Variants in ARHGAP28 observed in about 807,000 individuals in gnomAD.
ARHGAP28 encodes the protein Rho GTPase activating protein 28.
Under a neutral mutation model 90.7 loss-of-function variants are expected in ARHGAP28, and 56 were observed. The ratio of observed to expected loss-of-function variants is 0.62; its 90% CI spans 0.50 to 0.77. The LOEUF (loss-of-function observed/expected upper bound fraction) is 0.77, where lower values mean the gene tolerates loss of function less well. ARHGAP28 is among the 30% of genes least tolerant of loss of function. The probability of loss-of-function intolerance (pLI) is 0.00; values close to 1 mark genes in which losing one functional copy is unlikely to be tolerated. For synonymous variants in ARHGAP28, 308 were observed against 323.3 expected (o/e 0.95, Z 0.51); for missense variants, 869 against 900.9 (o/e 0.96, Z 0.45).
intron 2 of ARHGAP28, among the ~76,000 whole-genome samples, chr18:6,828,975 C>T (rs1439786781): frequency 6.6e-6 from 1 of 152,192 alleles, no homozygotes; most frequent in African/African-American, 2.4e-5. Context: ...TATTTTCATT[C>T]TTCATTCCCA....
intron 1 of ARHGAP28, among the ~76,000 whole-genome samples, chr18:6,743,712 A>C (rs894404391): frequency 2.6e-5 from 4 of 152,242 alleles, no homozygotes; most frequent in African/African-American, 9.6e-5. Flanking sequence ...TATATCCCCC[A>C]GTGTTTTAAA....
At position 6,851,079 on chromosome 18, in the gene ARHGAP28, A is replaced by G. The variant is rs1449234610; in HGVS notation, c.589A>G (p.Lys197Glu). The G allele has an allele frequency of 6.2e-7, 1 of 1,614,146 alleles. No individual in the cohort carries two copies. The highest frequency in any genetic ancestry group is 8.5e-7 in the Non-Finnish European group (1 of 1,180,002). Residue 197 changes from lysine to glutamate, a missense_variant, in exon 4 of 18, where the codon AAG (lysine) becomes GAG (glutamate). Coordinates refer to ENST00000383472, the MANE Select transcript of ARHGAP28 (RefSeq NM_001366230.1). ...CCACACTAATCAGCTGGATGGCACC[A>G]AGGAAGAAAGAGAGCTTCCAAGAGT... The part of the protein sequence containing the change: ...GNHTNQLDGT[K>E]EERELPRVIK...
chr18:6,876,015 C>A, intron 9 of ARHGAP28, 116 bp from the exon 10 acceptor site: 2 of 817,264 alleles, frequency 2.4e-6, no homozygotes, highest in Non-Finnish European at 4.0e-6. Flanking sequence ...CATTCAAGTG[C>A]CAGGCAAATA....
At chr18:6,785,718 G>A (rs1005277344) in intron 1 of ARHGAP28, among the ~76,000 whole-genome samples, 6 of 152,158 alleles carry the variant, frequency 3.9e-5, no homozygotes, top group African/African-American at 7.2e-5. Context: ...AGGGATTACC[G>A]TGCCTGTGAT....
chr18:6,858,728 C>T (rs989855603), intron 4 of ARHGAP28, among the ~76,000 whole-genome samples: 1 of 151,794 alleles, frequency 6.6e-6, no homozygotes, highest in Non-Finnish European at 1.5e-5. Flanking sequence ...ATGGGGTTTC[C>T]CTATGTTGGC....
intron 12 of ARHGAP28, among the ~76,000 whole-genome samples, chr18:6,888,574 C>G (rs1053365366): frequency 6.6e-6 from 1 of 152,052 alleles, no homozygotes; most frequent in African/African-American, 2.4e-5. Flanking sequence ...TAATATAATT[C>G]AATAATTTTT....
intron 16 of ARHGAP28, among the ~76,000 whole-genome samples, chr18:6,904,481 A>T (rs2057354626): frequency 6.6e-6 from 1 of 152,224 alleles, no homozygotes; most frequent in Admixed American, 6.5e-5. Flanking sequence ...ATAGCAGTAA[A>T]TGCTTATGAT....
intron 1 of ARHGAP28, among the ~76,000 whole-genome samples, chr18:6,759,957 G>A (rs2056145076): frequency 6.6e-6 from 1 of 152,072 alleles, no homozygotes; most frequent in African/African-American, 2.4e-5. Context: ...TCTTGGAGAG[G>A]GACATCAAAT....
chr18:6,896,565 A>C lies in ARHGAP28; in HGVS notation c.1969A>C (p.Ile657Leu). The C allele has an allele frequency of 6.2e-7, 1 of 1,614,192 alleles. No homozygotes were observed. Among genetic ancestry groups the C allele is most frequent in the Non-Finnish European group, 8.5e-7 (1 of 1,180,022 alleles). Reference protein sequence around the residue: ...APLLSKVSMAIQLNNQTKAKD... With the variant: ...APLLSKVSMALQLNNQTKAKD... ...ACTTCTCTCCAAGGTGTCCATGGCCATTCAACTCAACAATCAAACCAAAGC... is the reference window on the plus strand; with the variant it reads ...ACTTCTCTCCAAGGTGTCCATGGCCCTTCAACTCAACAATCAAACCAAAGC... The change falls in exon 16 of 18, where the codon ATT becomes CTT. Residue 657 changes from isoleucine (I) to leucine (L), a missense_variant. Physicochemically the swap from Ile to Leu is conservative, Grantham distance 5. Transcript: ENST00000383472.
chr18:6,894,817 AGACT>A lies in ARHGAP28; in HGVS notation c.1849-16_1849-13del. ...CTTGTTTTCTCAACATTACTCCTAA[AGACT>A]GTGTTTCTTTTAGACTGCAAGCCCC... On this transcript the variant is annotated splice_polypyrimidine_tract_variant and intron_variant, in intron 14 of 17. Transcript: ENST00000383472. 6.2e-7 allele frequency: 1 copy of A among 1,612,788 alleles called. No homozygotes were observed. Among genetic ancestry groups the A allele is most frequent in the Non-Finnish European group, 8.5e-7 (1 of 1,179,002 alleles).
In ARHGAP28 at chr18:6,914,231, C is replaced by G. The variant is rs1056791934; in HGVS notation, c.*2077C>G. ...AGCTTGTCACCAGTTTCAAATAAAT[C>G]CCTAATAGGTAACAAGTAAAATACA... On this transcript the variant is annotated 3_prime_UTR_variant, in exon 18 of 18. Coordinates refer to ENST00000383472, the MANE Select transcript of ARHGAP28 (RefSeq NM_001366230.1). 6.6e-6 allele frequency: 1 copy of G among 152,128 alleles called. No individual in the cohort carries two copies. The highest frequency in any genetic ancestry group is 1.5e-5 in the Non-Finnish European group (1 of 68,010). 9.4% of individuals were successfully genotyped at this position (152,128 alleles called of 1,614,324 possible).
intron 2 of ARHGAP28, among the ~76,000 whole-genome samples, chr18:6,830,234 G>A (rs969103490): frequency 1.3e-5 from 2 of 151,734 alleles, no homozygotes; most frequent in Non-Finnish European, 2.9e-5. Context: ...ATAGATTATT[G>A]TTAACTATAG....
rs1431390 is a variant in ARHGAP28 at position 6,912,333 on chromosome 18, A to G, written c.*179A>G. On this transcript the variant is annotated 3_prime_UTR_variant, in exon 18 of 18. Transcript: ENST00000383472. ...GAAGAGGCGCCGGTTCACCAATTCA[A>G]CTGAAGCTTTCTCATGACTTTTTTT... The G allele has an allele frequency of 0.82, 317,245 of 389,208 alleles. 130,285 individuals carry two copies. The highest frequency in any genetic ancestry group is 0.85 in the Non-Finnish European group (185,203 of 216,816). The allele number at this position is 389,208 out of a possible 1,614,324, so 24.1% of individuals were successfully genotyped here. A position where few individuals can be genotyped will look rare whatever the true frequency, so the allele number is the denominator to read the frequency against.
At chr18:6,794,302 G>T (rs2056426472) in intron 1 of ARHGAP28, among the ~76,000 whole-genome samples, 1 of 152,098 alleles carries the variant, frequency 6.6e-6, no homozygotes, top group South Asian at 2.1e-4. Flanking sequence ...AATTGTAGTG[G>T]CTTTGATTTA....
chr18:6,896,099 C>A (rs1021946158), intron 15 of ARHGAP28, among the ~76,000 whole-genome samples: 1 of 152,170 alleles, frequency 6.6e-6, no homozygotes, highest in Non-Finnish European at 1.5e-5. Flanking sequence ...TTGGAGAAGC[C>A]ATATTTTCTA....
chr18:6,890,293 C>T, intron 13 of ARHGAP28, 137 bp from the exon 14 acceptor site: 1 of 772,412 alleles, frequency 1.3e-6, no homozygotes, highest in Non-Finnish European at 2.1e-6. Context: ...TTTTTCTAAA[C>T]TTTATAAGGA....
At chr18:6,738,914 G>A (rs1317009111) in intron 1 of ARHGAP28, among the ~76,000 whole-genome samples, 2 of 152,180 alleles carry the variant, frequency 1.3e-5, no homozygotes, top group Admixed American at 1.3e-4. Context: ...TTGGTAATCA[G>A]TCATGCCCTA....
intron 16 of ARHGAP28, among the ~76,000 whole-genome samples, chr18:6,901,399 T>C (rs1039101735): frequency 3.3e-5 from 5 of 151,890 alleles, no homozygotes; most frequent in African/African-American, 1.2e-4. Flanking sequence ...GTGACTTCCT[T>C]CCAAAAAATA....
rs773686267 is a variant in ARHGAP28 at position 6,890,430 on chromosome 18, G to T, written c.1735G>T (p.Val579Phe). Reference sequence around the variant, plus strand: ...AGTCCAAGCTATTTTTCTTCTCCAGGTTCCATCTTTCTTAATCACTCAAGT... The same window carrying T: ...AGTCCAAGCTATTTTTCTTCTCCAGTTTCCATCTTTCTTAATCACTCAAGT... Reference protein sequence around the residue: ...MLKYQKILWKVPSFLITQVRR... With the variant: ...MLKYQKILWKFPSFLITQVRR... Residue 579 changes from valine (V) to phenylalanine (F), a missense_variant and splice_region_variant, in exon 14 of 18, where the codon GTT becomes TTT. Coordinates refer to ENST00000383472, the MANE Select transcript of ARHGAP28 (RefSeq NM_001366230.1). 2 of 1,594,614 alleles carry T rather than the reference G, an allele frequency of 1.3e-6. No individual in the cohort carries two copies. The highest frequency in any genetic ancestry group is 1.1e-5 in the South Asian group (1 of 90,098).
Sources: allele counts gnomAD v4.1 joint callset (sites outside exome capture counted in the v4.1 genomes callset), GRCh38; gene constraint gnomAD v4.1.1; transcripts MANE v1.5; gene names NCBI Gene and HGNC (gene_info 2026-07-23, HGNC 2026-07-21).